The following TNKS2 variants were observed in gnomAD, a reference collection of about 807,000 sequenced individuals.
The protein encoded by TNKS2 is tankyrase 2, also known as poly [ADP-ribose] polymerase tankyrase-2.
TNKS2 carries 72 observed loss-of-function variants against 137.6 expected under a neutral mutation model. That is an observed-to-expected ratio of 0.52 (90% CI 0.43 to 0.64). The LOEUF is 0.64. TNKS2 is among the 30% of genes least tolerant of loss of function. The pLI is 0.00. For missense variants in TNKS2, 1,049 were observed against 1,410.2 expected (o/e 0.74, Z 4.10); for synonymous variants, 516 against 512.1 (o/e 1.01, Z -0.10).
At chr10:91,853,665 C>T (rs1189872484) in intron 21 of TNKS2, among the ~76,000 whole-genome samples, 1 of 152,162 alleles carries the variant, frequency 6.6e-6, no homozygotes, top group Non-Finnish European at 1.5e-5. Context: ...TTGCAGATGC[C>T]TCAGTCAAGC....
chr10:91,810,893 T>TTTTCTTTTC (rs58428203), intron 1 of TNKS2, among the ~76,000 whole-genome samples: 52,190 of 121,958 alleles, frequency 0.43, 12,442 homozygotes, highest in South Asian at 0.61. Context: ...TTCTTTTCTT[T>TTTTCTTTTC]TTTCTTTTCT....
Position 91,855,183 on chromosome 10 carries a change from T to A in TNKS2, c.2913+57T>A. The A allele has an allele frequency of 3.8e-6, 4 of 1,059,490 alleles. No individual in the cohort carries two copies. In the East Asian group the frequency reaches 9.5e-5, roughly 25 times the overall value. The allele number at this position is 1,059,490 out of a possible 1,614,324, so 65.6% of individuals were successfully genotyped here. On this transcript the variant is annotated intron_variant, in intron 22 of 26. Transcript: ENST00000371627. ...CCGTATATATTTAGTTCACTTTGTATCCTCTTGTTTCTTTTTCTTCCTTTA... is the reference window on the plus strand; with the variant it reads ...CCGTATATATTTAGTTCACTTTGTAACCTCTTGTTTCTTTTTCTTCCTTTA...
chr10:91,862,867 C>T lies in TNKS2; in HGVS notation c.3439-70C>T, dbSNP rs1842887571. 1.9e-5 allele frequency: 21 copies of T among 1,091,646 alleles called. No homozygotes were observed. In the South Asian group the frequency reaches 2.9e-4, roughly 15 times the overall value. The allele number at this position is 1,091,646 out of a possible 1,614,324, so 67.6% of individuals were successfully genotyped here. A position where few individuals can be genotyped will look rare whatever the true frequency, so the allele number is the denominator to read the frequency against. ...AACCTCCTCCCTAAGATTAGGAATA[C>T]TTCCGGAAAGTCTGTTTATCTTTCA... On this transcript the variant is annotated intron_variant, in intron 26 of 26. Coordinates refer to ENST00000371627, the MANE Select transcript of TNKS2 (RefSeq NM_025235.4).
At chr10:91,850,400 C>G (rs1326632966) in intron 20 of TNKS2, among the ~76,000 whole-genome samples, 1 of 141,922 alleles carries the variant, frequency 7.0e-6, no homozygotes, top group Non-Finnish European at 1.5e-5. Flanking sequence ...TATGAAAATT[C>G]AAGTTTTAGC....
intron 23 of TNKS2, among the ~76,000 whole-genome samples, chr10:91,857,192 A>G (rs1842730993): frequency 6.6e-6 from 1 of 152,138 alleles, no homozygotes; most frequent in Non-Finnish European, 1.5e-5. Context: ...AGTATTCCTG[A>G]CCTTCACATA....
At chr10:91,799,885 G>T (rs1020913164) in intron 1 of TNKS2, among the ~76,000 whole-genome samples, 5 of 151,994 alleles carry the variant, frequency 3.3e-5, no homozygotes, top group African/African-American at 9.7e-5. Flanking sequence ...ACAATTTTTT[G>T]AAAAATCGGG....
At chr10:91,804,292 A>G (rs1844259436) in intron 1 of TNKS2, among the ~76,000 whole-genome samples, 1 of 152,208 alleles carries the variant, frequency 6.6e-6, no homozygotes, top group African/African-American at 2.4e-5. Context: ...ACTGAAATGA[A>G]CAGGACACAA....
At chr10:91,833,455 A>G (rs941676374) in intron 11 of TNKS2, among the ~76,000 whole-genome samples, 1 of 152,146 alleles carries the variant, frequency 6.6e-6, no homozygotes, top group Non-Finnish European at 1.5e-5. Flanking sequence ...GCCTATAGAA[A>G]TAAGCATTTT....
At chr10:91,834,088 G>C (rs2133640004) in intron 12 of TNKS2, 64 bp downstream of exon 12, 1 of 1,326,242 alleles carries the variant, frequency 7.5e-7, no homozygotes, top group Admixed American at 2.6e-5. Context: ...TCACATATCA[G>C]GTATTATAGG....
chr10:91,798,843 C>T lies in TNKS2; in HGVS notation c.153C>T (p.Ser51=), dbSNP rs774583950. 5.5e-5 allele frequency: 74 copies of T among 1,357,298 alleles called. No individual in the cohort carries two copies. Among genetic ancestry groups the T allele is most frequent in the Non-Finnish European group, 6.7e-5 (70 of 1,048,034 alleles). The allele number at this position is 1,357,298 out of a possible 1,614,324, so 84.1% of individuals were successfully genotyped here. A position where few individuals can be genotyped will look rare whatever the true frequency, so the allele number is the denominator to read the frequency against. Reference sequence around the variant, plus strand: ...TGGTGACGCCTGAGAAGGTGAACAGCCGCGACACGGCGGGCAGGAAATCCA... The same window carrying T: ...TGGTGACGCCTGAGAAGGTGAACAGTCGCGACACGGCGGGCAGGAAATCCA... ...KRLVTPEKVN[S]RDTAGRKSTP... Residue 51 remains serine (S), a synonymous_variant, in exon 1 of 27, where the codon AGC becomes AGT. Coordinates refer to ENST00000371627, the MANE Select transcript of TNKS2 (RefSeq NM_025235.4).
At position 91,851,471 on chromosome 10, in the gene TNKS2, TG is replaced by T; in HGVS notation, c.2815+138del. 3 of 1,048,862 alleles carry T rather than the reference TG, an allele frequency of 2.9e-6. No individual in the cohort carries two copies. In the South Asian group the frequency reaches 4.7e-5, roughly 16 times the overall value. 65.0% of individuals were successfully genotyped at this position (1,048,862 alleles called of 1,614,324 possible). On this transcript the variant is annotated intron_variant, in intron 21 of 26. Transcript: ENST00000371627. ...AATACTAATTTAGGATTCAGGAAAC[TG>T]GGATTAAGTCTTAGCTGTGCTACTG... is the stretch of plus-strand genomic sequence containing the variant.
intron 2 of TNKS2, among the ~76,000 whole-genome samples, chr10:91,813,586 G>T (rs1360126448): frequency 6.6e-6 from 1 of 152,130 alleles, no homozygotes; most frequent in Non-Finnish European, 1.5e-5. Context: ...CTTTCCAGTG[G>T]GGAAAGGGTT....
In TNKS2 at chr10:91,842,530, T is replaced by G. The variant is rs889224664; in HGVS notation, c.2059+139T>G. On this transcript the variant is annotated intron_variant, in intron 16 of 26. Transcript: ENST00000371627. The stretch of plus-strand genomic sequence containing the variant: ...GGCTCACACTTGTAATCCCAACACT[T>G]TATGAGGCTAAGGCAGGAGGATTGC... The G allele has an allele frequency of 2.3e-5, 17 of 753,132 alleles. No homozygotes were observed. The African/African-American group carries it at 3.0e-4, about 13-fold the overall frequency. The allele number at this position is 753,132 out of a possible 1,614,324, so 46.7% of individuals were successfully genotyped here.
intron 11 of TNKS2, among the ~76,000 whole-genome samples, chr10:91,832,949 A>G (rs1295576579): frequency 2.6e-5 from 4 of 152,126 alleles, no homozygotes; most frequent in Non-Finnish European, 4.4e-5. Flanking sequence ...CCATCCACCA[A>G]TATATCTTAT....
chr10:91,828,483 A>G, intron 9 of TNKS2, 77 bp downstream of exon 9: 1 of 1,329,612 alleles, frequency 7.5e-7, no homozygotes, highest in East Asian at 2.8e-5. Flanking sequence ...CTACTTTTAG[A>G]ACTAGCATTT....
intron 2 of TNKS2, among the ~76,000 whole-genome samples, chr10:91,814,070 A>G (rs1321426334): frequency 6.6e-6 from 1 of 152,188 alleles, no homozygotes; most frequent in Admixed American, 6.5e-5. Flanking sequence ...AGCCTCAGGC[A>G]GGTTCTTTAG....
At chr10:91,856,585 T>A (rs1842712671) in intron 23 of TNKS2, among the ~76,000 whole-genome samples, 1 of 152,222 alleles carries the variant, frequency 6.6e-6, no homozygotes, top group Non-Finnish European at 1.5e-5. Context: ...GTTTGATTTC[T>A]AAAGTAGTTG....
chr10:91,860,691 C>T (rs1238609780), intron 25 of TNKS2, among the ~76,000 whole-genome samples: 3 of 152,198 alleles, frequency 2.0e-5, no homozygotes, highest in South Asian at 2.1e-4. Context: ...AAAGGGCTTC[C>T]GAGCTGAAGA....
Position 91,798,706 on chromosome 10 carries a change from TGCGCCGGCGGGGGAGCGGCCTGCGCGA to T in TNKS2, c.23_49del (p.Gly8_Ala16del). Reference sequence around the variant, plus strand: ...GGCCAGGATCATGTCGGGTCGCCGCTGCGCCGGCGGGGGAGCGGCCTGCGCGAGCGCCGCGGCCGAGGCCGTGGAGCC... The same window carrying T: ...GGCCAGGATCATGTCGGGTCGCCGCTGCGCCGCGGCCGAGGCCGTGGAGCC... On this transcript the variant is annotated inframe_deletion, in exon 1 of 27. Transcript: ENST00000371627. 3 of 1,234,540 alleles carry T rather than the reference TGCGCCGGCGGGGGAGCGGCCTGCGCGA, an allele frequency of 2.4e-6. No individual in the cohort carries two copies. Among genetic ancestry groups the T allele is most frequent in the South Asian group, 3.9e-5 (1 of 25,392 alleles). The allele number at this position is 1,234,540 out of a possible 1,614,324, so 76.5% of individuals were successfully genotyped here.
Sources: allele counts gnomAD v4.1 joint callset (sites outside exome capture counted in the v4.1 genomes callset), GRCh38; gene constraint gnomAD v4.1.1; transcripts MANE v1.5; gene names NCBI Gene and HGNC (gene_info 2026-07-23, HGNC 2026-07-21).